Variants in ZXDB observed in about 807,000 individuals in gnomAD.
The protein encoded by ZXDB is zinc finger X-linked duplicated B.
For synonymous variants in ZXDB, 273 were observed against 314.3 expected (o/e 0.87, Z 1.39); for missense variants, 413 against 679.1 (o/e 0.61, Z 4.36).
Position 57,595,326 on chromosome X carries a change from C to T in ZXDB, c.*866C>T. ...ACAATTTAAGTTTTGCTAATTGCATCCCTATGGTAATGTTTGCTTTCCTCT... is the reference window on the plus strand; with the variant it reads ...ACAATTTAAGTTTTGCTAATTGCATTCCTATGGTAATGTTTGCTTTCCTCT... On this transcript the variant is annotated 3_prime_UTR_variant, in exon 1 of 1. Coordinates refer to ENST00000374888, the MANE Select transcript of ZXDB (RefSeq NM_007157.4). 1.6e-5 allele frequency: 2 copies of T among 123,195 alleles called. 1 individual carries two copies. Among genetic ancestry groups the T allele is most frequent in the Middle Eastern group, 8.3e-3 (2 of 241 alleles). The allele number at this position is 123,195 out of a possible 1,213,427, so 10.2% of individuals were successfully genotyped here.
In ZXDB at chrX:57,592,787, G is replaced by A. The variant is rs765208302; in HGVS notation, c.739G>A (p.Glu247Lys). The part of the protein sequence containing the change: ...AEPAPAPAPE[E>K]EAEGPAAALG... Reference sequence around the variant, plus strand: ...ACCCGCGCCAGCTCCGGCGCCTGAGGAGGAGGCGGAGGGCCCGGCCGCCGC... The same window carrying A: ...ACCCGCGCCAGCTCCGGCGCCTGAGAAGGAGGCGGAGGGCCCGGCCGCCGC... Residue 247 changes from glutamate (E) to lysine (K), a missense_variant, in exon 1 of 1, where the codon GAG becomes AAG. Transcript: ENST00000374888. 2.6e-6 allele frequency: 3 copies of A among 1,145,916 alleles called. No individual in the cohort carries two copies. Among genetic ancestry groups the A allele is most frequent in the South Asian group, 4.1e-5 (2 of 49,126 alleles). The allele number at this position is 1,145,916 out of a possible 1,213,427, so 94.4% of individuals were successfully genotyped here.
rs2057894315 is a variant in ZXDB, at chrX:57,592,191, G to A, written c.143G>A (p.Arg48Gln). The change falls in exon 1 of 1, where the codon CGG becomes CAG. Residue 48 changes from arginine to glutamine, a missense_variant. By Grantham distance (43) the Arg-to-Gln change is conservative (BLOSUM62 1). Transcript: ENST00000374888. ...CCCACGCGCCGCCTCCTGCTGCTCC[G>A]GGGCCCCCAAGATGGCGGGCCCGGG... is the stretch of plus-strand genomic sequence containing the variant. ...QVPTRRLLLL[R>Q]GPQDGGPGRR... 2 of 1,062,746 alleles carry A rather than the reference G, an allele frequency of 1.9e-6. No homozygotes were observed. Among genetic ancestry groups the A allele is most frequent in the South Asian group, 5.2e-5 (2 of 38,117 alleles). The allele number at this position is 1,062,746 out of a possible 1,213,427, so 87.6% of individuals were successfully genotyped here.
At position 57,593,208 on chromosome X, in the gene ZXDB, T is replaced by C; in HGVS notation, c.1160T>C (p.Phe387Ser). ...CTCAGCGCCCACCAGCGCAGCCACT[T>C]CGAACCGGAGAGGCCTTACCAGTGC... ...AKLSAHQRSHFEPERPYQCAF... is the reference protein window; with the variant it reads ...AKLSAHQRSHSEPERPYQCAF... Residue 387 changes from phenylalanine (F) to serine (S), a missense_variant, in exon 1 of 1, where the codon TTC becomes TCC. Coordinates refer to ENST00000374888, the MANE Select transcript of ZXDB (RefSeq NM_007157.4). The C allele has an allele frequency of 8.3e-7, 1 of 1,211,869 alleles. No homozygotes were observed. The highest frequency in any genetic ancestry group is 3.0e-5 in the East Asian group (1 of 33,807).
Position 57,595,067 on chromosome X carries a change from A to G in ZXDB, c.*607A>G, listed in dbSNP as rs755268559. 8.1e-6 allele frequency: 1 copy of G among 123,568 alleles called. No individual in the cohort carries two copies. The highest frequency in any genetic ancestry group is 3.7e-4 in the South Asian group (1 of 2,720). 10.2% of individuals were successfully genotyped at this position (123,568 alleles called of 1,213,427 possible). A position where few individuals can be genotyped will look rare whatever the true frequency, so the allele number is the denominator to read the frequency against. On this transcript the variant is annotated 3_prime_UTR_variant, in exon 1 of 1. Coordinates refer to ENST00000374888, the MANE Select transcript of ZXDB (RefSeq NM_007157.4). ...CTATGGGATGATATGGAAAAAAATG[A>G]TAATTCCATTATCGCAAGTGATATT... is the stretch of plus-strand genomic sequence containing the variant.
Position 57,594,163 on chromosome X carries a change from A to G in ZXDB, c.2115A>G (p.Pro705=), listed in dbSNP as rs2057904161. Residue 705 remains proline, a synonymous_variant, in exon 1 of 1, where the codon CCA becomes CCG. Transcript: ENST00000374888. ...MDEVSSVSVG[P]LGSLDSLAMK... is the part of the protein sequence containing the mutation. The stretch of plus-strand genomic sequence containing the variant: ...AGGTCTCAAGTGTAAGTGTGGGGCC[A>G]TTGGGATCTCTGGACTCTTTGGCCA... 2 of 1,200,995 alleles carry G rather than the reference A, an allele frequency of 1.7e-6. No homozygotes were observed. Among genetic ancestry groups the G allele is most frequent in the East Asian group, 3.0e-5 (1 of 33,607 alleles).
Position 57,593,249 on chromosome X carries a change from A to G in ZXDB, c.1201A>G (p.Lys401Glu). The G allele has an allele frequency of 8.3e-7, 1 of 1,211,994 alleles. No homozygotes were observed. The highest frequency in any genetic ancestry group is 1.1e-6 in the Non-Finnish European group (1 of 895,564). The change falls in exon 1 of 1, where the codon AAG (lysine) becomes GAG (glutamate). Residue 401 changes from lysine to glutamate, a missense_variant. Transcript: ENST00000374888. ...RPYQCAFSGCKKTFITVSALF... is the reference protein window; with the variant it reads ...RPYQCAFSGCEKTFITVSALF... ...TTACCAGTGCGCGTTTTCTGGCTGC[A>G]AGAAGACATTTATCACAGTGAGTGC...
rs1246297290 is a variant in ZXDB at position 57,594,869 on chromosome X, T to C, written c.*409T>C. On this transcript the variant is annotated 3_prime_UTR_variant, in exon 1 of 1. Transcript: ENST00000374888. ...TTTGGCAAACATACATAATGTTACA[T>C]CATACTATGATGAACATCCATGTAC... is the stretch of plus-strand genomic sequence containing the variant. 7.2e-6 allele frequency: 1 copy of C among 139,533 alleles called. No individual in the cohort carries two copies. Among genetic ancestry groups the C allele is most frequent in the Non-Finnish European group, 1.6e-5 (1 of 63,637 alleles). The allele number at this position is 139,533 out of a possible 1,213,427, so 11.5% of individuals were successfully genotyped here. A position where few individuals can be genotyped will look rare whatever the true frequency, so the allele number is the denominator to read the frequency against.
Position 57,597,341 on chromosome X carries a change from A to T in ZXDB, c.*2881A>T, listed in dbSNP as rs1045961099. Reference sequence around the variant, plus strand: ...CTGGAAATATTTGTACTCATATAGCATATTTCAAAAATGTTGTCATTCATT... The same window carrying T: ...CTGGAAATATTTGTACTCATATAGCTTATTTCAAAAATGTTGTCATTCATT... On this transcript the variant is annotated 3_prime_UTR_variant, in exon 1 of 1. Coordinates refer to ENST00000374888, the MANE Select transcript of ZXDB (RefSeq NM_007157.4). 8.1e-6 allele frequency: 1 copy of T among 123,585 alleles called. No homozygotes were observed. The highest frequency in any genetic ancestry group is 3.2e-5 in the African/African-American group (1 of 30,901). The allele number at this position is 123,585 out of a possible 1,213,427, so 10.2% of individuals were successfully genotyped here. A position where few individuals can be genotyped will look rare whatever the true frequency, so the allele number is the denominator to read the frequency against.
In ZXDB at chrX:57,593,008, G is replaced by C. The variant is rs140622295; in HGVS notation, c.960G>C (p.Lys320Asn). ...GCGWTFTTSY[K>N]LKRHLQSHDK... is the part of the protein sequence containing the mutation. ...GCTGGACCTTCACCACCTCTTACAAGCTCAAGAGGCACCTGCAGTCGCACG... is the reference window on the plus strand; with the variant it reads ...GCTGGACCTTCACCACCTCTTACAACCTCAAGAGGCACCTGCAGTCGCACG... The change falls in exon 1 of 1, where the codon AAG (lysine) becomes AAC (asparagine). Residue 320 changes from lysine to asparagine, a missense_variant. Lys to Asn is a moderately conservative substitution (Grantham distance 94). Coordinates refer to ENST00000374888, the MANE Select transcript of ZXDB (RefSeq NM_007157.4). 1.7e-6 allele frequency: 2 copies of C among 1,210,024 alleles called. No individual in the cohort carries two copies. Among genetic ancestry groups the C allele is most frequent in the Admixed American group, 4.4e-5 (2 of 45,922 alleles).
Position 57,596,339 on chromosome X carries a change from C to T in ZXDB, c.*1879C>T. 8.0e-6 allele frequency: 1 copy of T among 124,735 alleles called. No individual in the cohort carries two copies. 10.3% of individuals were successfully genotyped at this position (124,735 alleles called of 1,213,427 possible). On this transcript the variant is annotated 3_prime_UTR_variant, in exon 1 of 1. Transcript: ENST00000374888. ...TTTTTTCTTTCTGTGCTCTGTAGAT[C>T]TCATTGTTTGCACTTGTAATTTCCC...
rs1238259091 is a variant in ZXDB at position 57,592,696 on chromosome X, G to T, written c.648G>T (p.Pro216=). 6 of 1,181,435 alleles carry T rather than the reference G, an allele frequency of 5.1e-6. No individual in the cohort carries two copies. Among genetic ancestry groups the T allele is most frequent in the Admixed American group, 2.3e-5 (1 of 43,175 alleles). The change falls in exon 1 of 1, where the codon CCG becomes CCT. Residue 216 remains proline (P), a synonymous_variant. Coordinates refer to ENST00000374888, the MANE Select transcript of ZXDB (RefSeq NM_007157.4). The part of the protein sequence containing the change: ...GCLIAPQAGF[P]HAAHPGDCPE... ...TGATCGCCCCGCAAGCTGGGTTCCC[G>T]CATGCCGCGCACCCGGGTGACTGCC...
rs1232469073 is a variant in ZXDB at position 57,596,093 on chromosome X, C to T, written c.*1633C>T. The stretch of plus-strand genomic sequence containing the variant: ...AAGTAGGCAAGGGAATCTGTTTACT[C>T]CCTCTTCCCTCTACTGAATAATTTT... On this transcript the variant is annotated 3_prime_UTR_variant, in exon 1 of 1. Coordinates refer to ENST00000374888, the MANE Select transcript of ZXDB (RefSeq NM_007157.4). The T allele has an allele frequency of 8.1e-6, 1 of 123,085 alleles. No homozygotes were observed. Among genetic ancestry groups the T allele is most frequent in the Admixed American group, 9.5e-5 (1 of 10,536 alleles). The allele number at this position is 123,085 out of a possible 1,213,427, so 10.1% of individuals were successfully genotyped here.
In ZXDB at chrX:57,592,729, G is replaced by T. The variant is rs1337046902; in HGVS notation, c.681G>T (p.Leu227=). Residue 227 remains leucine, a synonymous_variant, in exon 1 of 1, where the codon CTG becomes CTT. Coordinates refer to ENST00000374888, the MANE Select transcript of ZXDB (RefSeq NM_007157.4). ...CGCACCCGGGTGACTGCCCAGAGCTGCCGCCAGACCTCCTGCTAGCTGAGC... is the reference window on the plus strand; with the variant it reads ...CGCACCCGGGTGACTGCCCAGAGCTTCCGCCAGACCTCCTGCTAGCTGAGC... ...HAAHPGDCPE[L]PPDLLLAEPA... 2 of 1,170,623 alleles carry T rather than the reference G, an allele frequency of 1.7e-6. No homozygotes were observed. The highest frequency in any genetic ancestry group is 3.2e-4 in the Middle Eastern group (1 of 3,165).
In ZXDB at chrX:57,592,711, G is replaced by C; in HGVS notation, c.663G>C (p.Pro221=). 8.5e-7 allele frequency: 1 copy of C among 1,177,586 alleles called. No homozygotes were observed. Among genetic ancestry groups the C allele is most frequent in the African/African-American group, 1.8e-5 (1 of 55,195 alleles). The change falls in exon 1 of 1, where the codon CCG becomes CCC. Residue 221 remains proline, a synonymous_variant. Transcript: ENST00000374888. ...CTGGGTTCCCGCATGCCGCGCACCC[G>C]GGTGACTGCCCAGAGCTGCCGCCAG... is the stretch of plus-strand genomic sequence containing the variant. ...PQAGFPHAAH[P]GDCPELPPDL... is the part of the protein sequence containing the mutation.
chrX:57,592,260 C>T lies in ZXDB; in HGVS notation c.212C>T (p.Pro71Leu), dbSNP rs755587129. 2.1e-5 allele frequency: 25 copies of T among 1,172,255 alleles called. No homozygotes were observed. Among genetic ancestry groups the T allele is most frequent in the Non-Finnish European group, 2.8e-5 (25 of 881,429 alleles). Residue 71 changes from proline to leucine, a missense_variant, in exon 1 of 1, where the codon CCA becomes CTA. Physicochemically the swap from Pro to Leu is moderately conservative, Grantham distance 98. Coordinates refer to ENST00000374888, the MANE Select transcript of ZXDB (RefSeq NM_007157.4). ...AGCACGGCATCACGGGGCCCTGGCC[C>T]AAGCCTGTTGGCGCCGAGGACCGAT... ...EASTASRGPG[P>L]SLLAPRTDQP...
At position 57,594,478 on chromosome X, in the gene ZXDB, C is replaced by G; in HGVS notation, c.*18C>G. 8.5e-7 allele frequency: 1 copy of G among 1,180,475 alleles called. No individual in the cohort carries two copies. The highest frequency in any genetic ancestry group is 1.9e-5 in the South Asian group (1 of 51,583). Reference sequence around the variant, plus strand: ...TGGTATGAACCAACTCTATTCATTCCTCATCATGTGGCTTACTTTTATTAC... The same window carrying G: ...TGGTATGAACCAACTCTATTCATTCGTCATCATGTGGCTTACTTTTATTAC... On this transcript the variant is annotated 3_prime_UTR_variant, in exon 1 of 1. Coordinates refer to ENST00000374888, the MANE Select transcript of ZXDB (RefSeq NM_007157.4).
At position 57,592,792 on chromosome X, in the gene ZXDB, G is replaced by A; in HGVS notation, c.744G>A (p.Glu248=). The A allele has an allele frequency of 8.7e-7, 1 of 1,147,600 alleles. No homozygotes were observed. The highest frequency in any genetic ancestry group is 1.2e-6 in the Non-Finnish European group (1 of 866,986). The allele number at this position is 1,147,600 out of a possible 1,213,427, so 94.6% of individuals were successfully genotyped here. ...CGCCAGCTCCGGCGCCTGAGGAGGAGGCGGAGGGCCCGGCCGCCGCCCTGG... is the reference window on the plus strand; with the variant it reads ...CGCCAGCTCCGGCGCCTGAGGAGGAAGCGGAGGGCCCGGCCGCCGCCCTGG... ...EPAPAPAPEE[E]AEGPAAALGP... is the part of the protein sequence containing the mutation. Residue 248 remains glutamate (E), a synonymous_variant, in exon 1 of 1, where the codon GAG becomes GAA. Transcript: ENST00000374888.
At position 57,595,290 on chromosome X, in the gene ZXDB, T is replaced by A. The variant is rs2057907891; in HGVS notation, c.*830T>A. On this transcript the variant is annotated 3_prime_UTR_variant, in exon 1 of 1. Coordinates refer to ENST00000374888, the MANE Select transcript of ZXDB (RefSeq NM_007157.4). ...TTATGAAATGAGGTTGTTTCACATG[T>A]AGCATTTGCCACAATTTAAGTTTTG... 1 of 123,544 alleles carries A rather than the reference T, an allele frequency of 8.1e-6. No individual in the cohort carries two copies. The highest frequency in any genetic ancestry group is 3.2e-5 in the African/African-American group (1 of 30,905). 10.2% of individuals were successfully genotyped at this position (123,544 alleles called of 1,213,427 possible).
Position 57,596,307 on chromosome X carries a change from TG to T in ZXDB, c.*1849del, listed in dbSNP as rs1037593980. 2 of 123,403 alleles carry T rather than the reference TG, an allele frequency of 1.6e-5. No individual in the cohort carries two copies. Among genetic ancestry groups the T allele is most frequent in the African/African-American group, 6.5e-5 (2 of 30,794 alleles). 10.2% of individuals were successfully genotyped at this position (123,403 alleles called of 1,213,427 possible). A position where few individuals can be genotyped will look rare whatever the true frequency, so the allele number is the denominator to read the frequency against. On this transcript the variant is annotated 3_prime_UTR_variant, in exon 1 of 1. Transcript: ENST00000374888. ...CCCTGAAAATCTGATAATGGAGCAGTGGAGGTTTTTTTCTTTCTGTGCTCTG... is the reference window on the plus strand; with the variant it reads ...CCCTGAAAATCTGATAATGGAGCAGTGAGGTTTTTTTCTTTCTGTGCTCTG...
Sources: gnomAD v4.1 joint callset for allele counts on GRCh38, gnomAD v4.1.1 for gene constraint, MANE v1.5 for transcripts, NCBI Gene and HGNC (gene_info 2026-07-23, HGNC 2026-07-21) for gene names.